ASPRV1: variants seen among roughly 807,000 people sequenced by gnomAD.
ASPRV1 encodes the protein retroviral-like aspartic protease 1.
A neutral mutation model predicts 11.0 loss-of-function variants in ASPRV1; 7 were observed. The ratio of observed to expected loss-of-function variants is 0.64; its 90% confidence interval spans 0.36 to 1.20. The LOEUF (loss-of-function observed/expected upper bound fraction) is 1.20. ASPRV1 is among the 50% of genes most tolerant of loss of function. The pLI, the probability that ASPRV1 is intolerant of heterozygous loss-of-function variation, is 0.02. For synonymous variants in ASPRV1, 136 were observed against 138.4 expected (o/e 0.98, Z 0.12); for missense variants, 299 against 320.0 (o/e 0.93, Z 0.50).
chr2:69,937,834 G>A, the ASPRV1 span, among the ~76,000 whole-genome samples: 13 of 152,064 alleles, frequency 8.5e-5, no homozygotes, highest in Non-Finnish European at 1.9e-4. Context: ...GGCTGGTCTC[G>A]AACTCCTGAC....
At chr2:70,032,491 T>G in the ASPRV1 span, among the ~76,000 whole-genome samples, 1 of 141,478 alleles carries the variant, frequency 7.1e-6, no homozygotes, top group Non-Finnish European at 1.5e-5. Flanking sequence ...ACTTGGTCTC[T>G]ACAAAAAAAA....
the ASPRV1 span, among the ~76,000 whole-genome samples, chr2:70,029,231 G>A: frequency 6.6e-6 from 1 of 152,144 alleles, no homozygotes; most frequent in Non-Finnish European, 1.5e-5. Flanking sequence ...AATAACTTTG[G>A]CCAAGGGACT....
At chr2:69,989,764 GC>G in the ASPRV1 span, among the ~76,000 whole-genome samples, 1 of 152,206 alleles carries the variant, frequency 6.6e-6, no homozygotes, top group African/African-American at 2.4e-5. Flanking sequence ...ACCCTGTGCT[GC>G]CCCTAACCCA....
the ASPRV1 span, among the ~76,000 whole-genome samples, chr2:69,969,896 A>AT: frequency 0.025 from 3,649 of 143,698 alleles, 83 homozygotes; most frequent in African/African-American, 0.059. Flanking sequence ...ATTCTCTTAA[A>AT]TTTTTTTTTT....
chr2:70,029,619 CAG>C, the ASPRV1 span, among the ~76,000 whole-genome samples: 6 of 152,188 alleles, frequency 3.9e-5, no homozygotes, highest in Non-Finnish European at 8.8e-5. Context: ...ACCCTGGTGA[CAG>C]AGCAAGACTC....
chr2:70,010,739 C>T, the ASPRV1 span, among the ~76,000 whole-genome samples: 208 of 152,262 alleles, frequency 1.4e-3, no homozygotes, highest in Middle Eastern at 6.8e-3. Context: ...AGGAAGTGCT[C>T]CCTGAACACC....
chr2:69,983,220 G>T, the ASPRV1 span, among the ~76,000 whole-genome samples: 1 of 152,182 alleles, frequency 6.6e-6, no homozygotes, highest in Non-Finnish European at 1.5e-5. Context: ...TGTCTGGCTG[G>T]AACCCTGAGT....
chr2:69,973,494 G>A, the ASPRV1 span, among the ~76,000 whole-genome samples: 2 of 151,992 alleles, frequency 1.3e-5, no homozygotes, highest in East Asian at 3.9e-4. Context: ...GCCTCAGATA[G>A]TGCACACCAC....
chr2:70,075,805 C>T, the ASPRV1 span, among the ~76,000 whole-genome samples: 1 of 151,736 alleles, frequency 6.6e-6, no homozygotes, highest in African/African-American at 2.4e-5. Flanking sequence ...GGTGAGATCA[C>T]GCCATTGCAT....
the ASPRV1 span, among the ~76,000 whole-genome samples, chr2:69,987,981 C>T: frequency 6.6e-6 from 1 of 152,192 alleles, no homozygotes; most frequent in Non-Finnish European, 1.5e-5. Flanking sequence ...TCCGGGGGTG[C>T]ACCCGTGATG....
the ASPRV1 span, among the ~76,000 whole-genome samples, chr2:70,020,862 G>C: frequency 5.9e-5 from 9 of 152,120 alleles, no homozygotes; most frequent in Non-Finnish European, 7.4e-5. Context: ...AGGGAGGGGA[G>C]AATAGGGAGT....
the ASPRV1 span, among the ~76,000 whole-genome samples, chr2:70,024,536 C>T: frequency 3.3e-5 from 5 of 152,324 alleles, no homozygotes; most frequent in East Asian, 9.6e-4. Flanking sequence ...CCCCAAGGGG[C>T]AGCACCCCTG....
the ASPRV1 span, among the ~76,000 whole-genome samples, chr2:69,943,658 T>C: frequency 3.5e-4 from 53 of 152,212 alleles, no homozygotes; most frequent in Non-Finnish European, 7.1e-4. Context: ...ACTGAACAAA[T>C]ACGGCTTGAG....
At chr2:69,949,116 T>G in the ASPRV1 span, among the ~76,000 whole-genome samples, 1 of 152,174 alleles carries the variant, frequency 6.6e-6, no homozygotes, top group Non-Finnish European at 1.5e-5. Context: ...TATCACCACA[T>G]GACACCTTGT....
At chr2:70,009,424 G>C in the ASPRV1 span, among the ~76,000 whole-genome samples, 3 of 152,074 alleles carry the variant, frequency 2.0e-5, no homozygotes, top group African/African-American at 7.2e-5. Context: ...CCGCCTCCTG[G>C]GTTCAAGCGA....
chr2:69,950,662 T>C, the ASPRV1 span, among the ~76,000 whole-genome samples: 7 of 151,718 alleles, frequency 4.6e-5, no homozygotes, highest in Non-Finnish European at 7.4e-5. Context: ...GCCAACATGG[T>C]GAAAACCTCG....
chr2:69,962,823 T>G, upstream of ASPRV1: 1 of 181,356 alleles, frequency 5.5e-6, no homozygotes, highest in African/African-American at 2.3e-5. Context: ...TGAACCAGAG[T>G]CTGGGGCTCA....
the ASPRV1 span, among the ~76,000 whole-genome samples, chr2:69,992,377 C>T: frequency 6.6e-6 from 1 of 152,286 alleles, no homozygotes; most frequent in Non-Finnish European, 1.5e-5. Context: ...GACTTCGGTC[C>T]TTCTGGACAT....
At chr2:70,086,836 G>C in the ASPRV1 span, 1 of 152,252 alleles carries the variant, frequency 6.6e-6, no homozygotes, top group Non-Finnish European at 1.5e-5. Context: ...CAGCAGAGCC[G>C]CGATTCGGCA....
Sources: allele counts gnomAD v4.1 joint callset (sites outside exome capture counted in the v4.1 genomes callset), GRCh38; gene constraint gnomAD v4.1.1; transcripts MANE v1.5; gene names NCBI Gene and HGNC (gene_info 2026-07-23, HGNC 2026-07-21).